The following TAFA1 variants were observed in gnomAD, a reference collection of about 807,000 sequenced individuals.
TAFA1 encodes TAFA chemokine like family member 1.
TAFA1 carries 4 observed loss-of-function variants against 18.5 expected under a neutral mutation model. The observed-to-expected ratio is 0.22, with a 90% CI of 0.11 to 0.49. TAFA1 has a LOEUF of 0.49. Ranked by LOEUF, TAFA1 falls within the 20% of genes least tolerant of loss-of-function variation. The pLI, the probability that TAFA1 is intolerant of heterozygous loss-of-function variation, is 0.98. For synonymous variants in TAFA1, 56 were observed against 55.2 expected, an observed-to-expected ratio of 1.01 and a Z score of -0.06; for missense variants, 147 against 169.0, an observed-to-expected ratio of 0.87 and a Z score of 0.72.
intron 3 of TAFA1, among the ~76,000 whole-genome samples, chr3:68,494,804 A>G (rs2072516259): frequency 6.6e-6 from 1 of 152,214 alleles, no homozygotes; most frequent in Non-Finnish European, 1.5e-5. Flanking sequence ...GGGTTATTAT[A>G]AGGATAAGAT....
chr3:68,109,554 G>T (rs1467315719), intron 2 of TAFA1, among the ~76,000 whole-genome samples: 4 of 152,134 alleles, frequency 2.6e-5, no homozygotes, highest in Admixed American at 1.3e-4. Context: ...ATTGGTAAAG[G>T]AGGAAGACTT....
chr3:67,993,080 G>T, the TAFA1 span, among the ~76,000 whole-genome samples: 1,742 of 152,264 alleles, frequency 0.011, 35 homozygotes, highest in African/African-American at 0.039. Context: ...CACAACAGGG[G>T]GCTTCTTACA....
intron 2 of TAFA1, among the ~76,000 whole-genome samples, chr3:68,143,272 T>G (rs1426391331): frequency 6.6e-6 from 1 of 152,158 alleles, no homozygotes; most frequent in Non-Finnish European, 1.5e-5. Flanking sequence ...ACTTACTGTC[T>G]AATAGCTAAA....
chr3:68,343,072 A>G lies in TAFA1; in HGVS notation c.119-74208A>G, dbSNP rs539813772. ...GATCTATAGATTGATTACCTGGGGA[A>G]TTGGATGAAAGCAACTTTCTTAGCA... On this transcript the variant is annotated intron_variant, in intron 2 of 4. Transcript: ENST00000478136. Among the ~76,000 whole-genome samples the G allele has an allele frequency of 3.3e-5, 5 of 152,296 alleles. No individual in the cohort carries two copies. The South Asian group carries it at 8.3e-4, about 25-fold the overall frequency.
intron 2 of TAFA1, among the ~76,000 whole-genome samples, chr3:68,344,307 C>T (rs1029904677): frequency 6.6e-6 from 1 of 152,242 alleles, no homozygotes; most frequent in African/African-American, 2.4e-5. Flanking sequence ...TGGGGGCCTA[C>T]TGTACACAGT....
At chr3:68,469,087 G>A (rs898136557) in intron 3 of TAFA1, among the ~76,000 whole-genome samples, 8 of 151,730 alleles carry the variant, frequency 5.3e-5, no homozygotes, top group African/African-American at 1.9e-4. Flanking sequence ...AGGCTTAAGA[G>A]GTCACAGAGA....
chr3:68,160,975 C>T lies in TAFA1; in HGVS notation c.118+154231C>T, dbSNP rs544303499. ...TGGGTCAAAATGCAAATACCCAGGG[C>T]GTTAAGTGTGTGGGTCACTATCCAT... On this transcript the variant is annotated intron_variant, in intron 2 of 4. Coordinates refer to ENST00000478136, the MANE Select transcript of TAFA1 (RefSeq NM_213609.4). Among the ~76,000 whole-genome samples, 38 of 152,198 alleles carry T rather than the reference C, an allele frequency of 2.5e-4. 1 individual carries two copies. In the South Asian group the frequency reaches 4.4e-3, roughly 17 times the overall value.
Position 68,262,349 on chromosome 3 carries a change from A to ATATATATATT in TAFA1, c.119-154929_119-154920dup, listed in dbSNP as rs1559586014. On this transcript the variant is annotated intron_variant, in intron 2 of 4. Transcript: ENST00000478136. ...TATATATATATATATATATATATATATATATATATTTCATGGGTATATTGA... is the reference window on the plus strand; with the variant it reads ...TATATATATATATATATATATATATATATATATATTTATATATATTTCATGGGTATATTGA... Among the ~76,000 whole-genome samples, 49 of 78,734 alleles carry ATATATATATT rather than the reference A, an allele frequency of 6.2e-4. 2 individuals carry two copies. The highest frequency in any genetic ancestry group is 1.1e-3 in the South Asian group (2 of 1,848). The allele number at this position is 78,734 out of a possible 152,430, so 51.7% of individuals were successfully genotyped here.
At chr3:68,230,585 G>T (rs1224988255) in intron 2 of TAFA1, among the ~76,000 whole-genome samples, 1 of 152,066 alleles carries the variant, frequency 6.6e-6, no homozygotes, top group Admixed American at 6.5e-5. Flanking sequence ...TAAACATGTG[G>T]GTGCAGATAT....
intron 2 of TAFA1, among the ~76,000 whole-genome samples, chr3:68,112,090 G>C (rs2065269400): frequency 3.2e-5 from 1 of 31,208 alleles, no homozygotes; most frequent in Admixed American, 4.2e-4. Context: ...GTGAAGCACT[G>C]GATGAAAAAA....
intron 3 of TAFA1, among the ~76,000 whole-genome samples, chr3:68,466,176 C>T (rs778152249): frequency 6.6e-5 from 10 of 152,080 alleles, no homozygotes; most frequent in African/African-American, 1.7e-4. Flanking sequence ...CTTCACTTCT[C>T]GGTAAAGCAT....
At chr3:68,483,501 C>CTTAA in intron 3 of TAFA1, among the ~76,000 whole-genome samples, 1 of 152,230 alleles carries the variant, frequency 6.6e-6, no homozygotes, top group South Asian at 2.1e-4. Context: ...TTTAGCTTAC[C>CTTAA]CACTACCCTG....
rs543259771 is a variant in TAFA1, at chr3:68,132,196, C to G, written c.118+125452C>G. The stretch of plus-strand genomic sequence containing the variant: ...GTTTCCAGCTTCATCCATGTCCCTG[C>G]AAAGGACATGAACTCATCCTTTTTA... On this transcript the variant is annotated intron_variant, in intron 2 of 4. Coordinates refer to ENST00000478136, the MANE Select transcript of TAFA1 (RefSeq NM_213609.4). Among the ~76,000 whole-genome samples, 14 of 152,280 alleles carry G rather than the reference C, an allele frequency of 9.2e-5. No individual in the cohort carries two copies. The South Asian group carries it at 2.7e-3, about 29-fold the overall frequency.
chr3:68,172,927 A>G (rs1043790981), intron 2 of TAFA1, among the ~76,000 whole-genome samples: 1 of 152,140 alleles, frequency 6.6e-6, no homozygotes, highest in Non-Finnish European at 1.5e-5. Flanking sequence ...GGGTGGTAAA[A>G]TGTTCTAAAA....
chr3:68,244,809 T>A (rs2067045286), intron 2 of TAFA1, among the ~76,000 whole-genome samples: 4 of 152,226 alleles, frequency 2.6e-5, no homozygotes. Context: ...TAACTGATTA[T>A]TATTTGCAGA....
At chr3:68,439,038 T>C (rs1166252541) in intron 3 of TAFA1, among the ~76,000 whole-genome samples, 2 of 152,082 alleles carry the variant, frequency 1.3e-5, no homozygotes, top group Non-Finnish European at 2.9e-5. Context: ...CTTTGGGATC[T>C]TTCTTCCATT....
intron 2 of TAFA1, among the ~76,000 whole-genome samples, chr3:68,243,905 T>TAA (rs1366748427): frequency 6.6e-6 from 1 of 152,212 alleles, no homozygotes; most frequent in African/African-American, 2.4e-5. Flanking sequence ...TTCTAGCAGT[T>TAA]ATGTATGAGC....
chr3:68,096,567 G>A (rs1004924993), intron 2 of TAFA1, among the ~76,000 whole-genome samples: 3 of 152,090 alleles, frequency 2.0e-5, no homozygotes, highest in East Asian at 1.9e-4. Context: ...AGGAGCATTA[G>A]CTACATTTTT....
intron 2 of TAFA1, among the ~76,000 whole-genome samples, chr3:68,230,536 G>T (rs1384369429): frequency 1.3e-5 from 2 of 152,126 alleles, no homozygotes; most frequent in Non-Finnish European, 2.9e-5. Flanking sequence ...GGGCACTTAG[G>T]TTGATTTCAT....
Sources: allele counts gnomAD v4.1 joint callset (sites outside exome capture counted in the v4.1 genomes callset), GRCh38; gene constraint gnomAD v4.1.1; transcripts MANE v1.5; gene names NCBI Gene and HGNC (gene_info 2026-07-23, HGNC 2026-07-21).